DIAPH3: variants seen among roughly 807,000 people sequenced by gnomAD.
DIAPH3 encodes protein diaphanous homolog 3.
In DIAPH3, 117 loss-of-function variants were observed where a neutral mutation model predicts 144.3. That is an observed-to-expected ratio of 0.81 (90% CI 0.70 to 0.95). The LOEUF (loss-of-function observed/expected upper bound fraction) is 0.95, where lower values mean the gene tolerates loss of function less well. Among genes scored for constraint, DIAPH3 ranks in the 40% least tolerant of loss-of-function variants. DIAPH3 has a pLI of 0.00. For synonymous variants in DIAPH3, 519 were observed against 488.9 expected, an observed-to-expected ratio of 1.06 and a Z score of -0.81; for missense variants, 1,421 against 1,412.7, an observed-to-expected ratio of 1.01 and a Z score of -0.09.
At chr13:60,110,430 A>G (rs1473023417) in intron 3 of DIAPH3, among the ~76,000 whole-genome samples, 3 of 152,230 alleles carry the variant, frequency 2.0e-5, no homozygotes, top group Non-Finnish European at 4.4e-5. Flanking sequence ...CTCCACAGAC[A>G]TAGAAATAGC....
chr13:59,946,091 T>C (rs2048780672), intron 17 of DIAPH3, among the ~76,000 whole-genome samples: 1 of 152,274 alleles, frequency 6.6e-6, no homozygotes, highest in South Asian at 2.1e-4. Context: ...ATGATATCTC[T>C]ACTGGCAACA....
intron 5 of DIAPH3, among the ~76,000 whole-genome samples, chr13:60,025,960 T>C (rs2054344189): frequency 6.6e-6 from 1 of 152,158 alleles, no homozygotes; most frequent in African/African-American, 2.4e-5. Flanking sequence ...ATGCCTACAA[T>C]CTTGAAGTGG....
At chr13:59,824,044 C>A (rs1307819647) in intron 24 of DIAPH3, among the ~76,000 whole-genome samples, 1 of 151,970 alleles carries the variant, frequency 6.6e-6, no homozygotes, top group Non-Finnish European at 1.5e-5. Context: ...AATGACAAAT[C>A]TTTATCTAGA....
At chr13:59,820,147 T>C (rs1343537809) in intron 24 of DIAPH3, among the ~76,000 whole-genome samples, 2 of 151,958 alleles carry the variant, frequency 1.3e-5, no homozygotes, top group South Asian at 2.1e-4. Flanking sequence ...TATGCTGGCT[T>C]ATATCAATTA....
chr13:59,827,083 A>G (rs1236566815), intron 24 of DIAPH3, among the ~76,000 whole-genome samples: 4 of 152,218 alleles, frequency 2.6e-5, no homozygotes, highest in Admixed American at 6.5e-5. Context: ...AAAACCCTAG[A>G]AGAAAACCTA....
intron 25 of DIAPH3, among the ~76,000 whole-genome samples, chr13:59,775,981 C>G (rs1052426373): frequency 1.6e-4 from 24 of 152,132 alleles, no homozygotes; most frequent in Non-Finnish European, 2.5e-4. Context: ...TGGCCCAAAC[C>G]AAATTCAAGA....
At chr13:60,010,413 A>G in intron 8 of DIAPH3, 120 bp downstream of exon 8, 3 of 1,093,102 alleles carry the variant, frequency 2.7e-6, no homozygotes, top group Non-Finnish European at 3.9e-6. Flanking sequence ...CTGCTTAAAT[A>G]TACCTCAACA....
intron 17 of DIAPH3, among the ~76,000 whole-genome samples, chr13:59,964,698 T>C (rs1034357699): frequency 6.6e-6 from 1 of 152,110 alleles, no homozygotes; most frequent in Non-Finnish European, 1.5e-5. Flanking sequence ...GAATATACTA[T>C]AACTGGTAAC....
At chr13:59,693,377 A>G (rs1266180862) in intron 27 of DIAPH3, among the ~76,000 whole-genome samples, 2 of 152,208 alleles carry the variant, frequency 1.3e-5, no homozygotes, top group African/African-American at 4.8e-5. Context: ...ATGTCCTTTT[A>G]TAAGCTCTTT....
chr13:60,017,363 C>T (rs1475887136), intron 5 of DIAPH3, among the ~76,000 whole-genome samples: 1 of 148,828 alleles, frequency 6.7e-6, no homozygotes, highest in Non-Finnish European at 1.5e-5. Flanking sequence ...GAGATCGCGC[C>T]ATCGTACTCC....
chr13:60,152,125 T>A (rs918858454), intron 1 of DIAPH3, among the ~76,000 whole-genome samples: 1 of 152,198 alleles, frequency 6.6e-6, no homozygotes, highest in African/African-American at 2.4e-5. Context: ...AAACTCTCTG[T>A]ATCTTGGGAA....
At position 59,792,018 on chromosome 13, in the gene DIAPH3, T is replaced by C. The variant is rs565445523; in HGVS notation, c.3164-17195A>G. Among the ~76,000 whole-genome samples, 12 of 152,302 alleles carry C rather than the reference T, an allele frequency of 7.9e-5. No homozygotes were observed. In the South Asian group the frequency reaches 1.9e-3, roughly 24 times the overall value. ...GACAACAGTGTCCTTCTGATCTTTA[T>C]TTCCTCCAGCATTATTAGCATGAAC... On this transcript the variant is annotated intron_variant, in intron 25 of 27. Transcript: ENST00000400324.
intron 24 of DIAPH3, among the ~76,000 whole-genome samples, chr13:59,831,665 A>G (rs1412979766): frequency 2.0e-5 from 3 of 151,886 alleles, no homozygotes; most frequent in Non-Finnish European, 2.9e-5. Context: ...AACATAAATC[A>G]CATCATTAGC....
chr13:60,152,619 TAAG>T (rs1951840700), intron 1 of DIAPH3, among the ~76,000 whole-genome samples: 1 of 151,432 alleles, frequency 6.6e-6, no homozygotes, highest in Admixed American at 6.6e-5. Flanking sequence ...GAGATAAAGA[TAAG>T]AAGGGAGAAA....
chr13:59,827,611 T>G lies in DIAPH3; in HGVS notation c.3027+5496A>C, dbSNP rs187858366. 2.9e-3 allele frequency among the ~76,000 whole-genome samples: 439 copies of G among 152,148 alleles called. 2 individuals are homozygous for G. Among genetic ancestry groups the G allele is most frequent in the African/African-American group, 0.01 (428 of 41,542 alleles). ...TAAGGAAAGAGAATAGTAAAAGAAC[T>G]TTCAGCAAAGTTGGGCTAATGGATT... is the stretch of plus-strand genomic sequence containing the variant. On this transcript the variant is annotated intron_variant, in intron 24 of 27. Coordinates refer to ENST00000400324, the MANE Select transcript of DIAPH3 (RefSeq NM_001042517.2).
intron 22 of DIAPH3, among the ~76,000 whole-genome samples, chr13:59,852,887 C>T (rs370895358): frequency 6.6e-6 from 1 of 152,264 alleles, no homozygotes; most frequent in African/African-American, 2.4e-5. Context: ...TAATGACAGG[C>T]AGATGTGTGC....
intron 16 of DIAPH3, among the ~76,000 whole-genome samples, chr13:59,970,522 T>A (rs558556176): frequency 6.6e-6 from 1 of 151,234 alleles, no homozygotes; most frequent in East Asian, 1.9e-4. Context: ...AACACCATCA[T>A]TTTTTTTTGA....
In DIAPH3 at chr13:59,978,630, A is replaced by T. The variant is rs529902554; in HGVS notation, c.1545+2165T>A. Among the ~76,000 whole-genome samples, 20 of 151,852 alleles carry T rather than the reference A, an allele frequency of 1.3e-4. No homozygotes were observed. In the East Asian group the frequency reaches 3.5e-3, roughly 27 times the overall value. ...AATAAGTTTCCACATCCTCGCCTAT[A>T]AAAAGATAGCTGAAATATAAACTTT... On this transcript the variant is annotated intron_variant, in intron 14 of 27. Coordinates refer to ENST00000400324, the MANE Select transcript of DIAPH3 (RefSeq NM_001042517.2).
intron 24 of DIAPH3, among the ~76,000 whole-genome samples, chr13:59,811,517 T>A (rs528904022): frequency 8.6e-5 from 13 of 152,032 alleles, no homozygotes; most frequent in Admixed American, 7.9e-4. Context: ...GGTGGGCGGA[T>A]CATAAGGTCA....
Sources: gnomAD v4.1 joint callset for allele counts (sites outside exome capture counted in the v4.1 genomes callset) on GRCh38, gnomAD v4.1.1 for gene constraint, MANE v1.5 for transcripts, NCBI Gene and HGNC (gene_info 2026-07-23, HGNC 2026-07-21) for gene names.